Variants in EIF2B3 observed in about 807,000 individuals in gnomAD.
The protein encoded by EIF2B3 is translation initiation factor eIF2B subunit gamma.
Under a neutral mutation model 54.1 loss-of-function variants are expected in EIF2B3, and 20 were observed. That is an observed-to-expected ratio of 0.37 (90% CI 0.26 to 0.54). EIF2B3 has a LOEUF of 0.54. Among genes scored for constraint, EIF2B3 ranks in the 20% least tolerant of loss-of-function variants. The pLI, the probability that EIF2B3 is intolerant of heterozygous loss-of-function variation, is 0.86. For synonymous variants in EIF2B3, 153 were observed against 188.1 expected (o/e 0.81, Z 1.52); for missense variants, 448 against 547.8 (o/e 0.82, Z 1.82).
intron 3 of EIF2B3, among the ~76,000 whole-genome samples, chr1:44,942,490 C>T (rs1172950313): frequency 1.3e-3 from 169 of 128,452 alleles, no homozygotes; most frequent in African/African-American, 4.9e-3. Flanking sequence ...TGCAGCGGTG[C>T]GGTCACAGCT....
intron 3 of EIF2B3, among the ~76,000 whole-genome samples, chr1:44,974,406 C>T (rs995969852): frequency 6.8e-6 from 1 of 146,646 alleles, no homozygotes; most frequent in African/African-American, 2.5e-5. Flanking sequence ...CTGGGGAGGT[C>T]GAGGTTACAG....
intron 3 of EIF2B3, among the ~76,000 whole-genome samples, chr1:44,942,878 C>T (rs1644052954): frequency 6.6e-6 from 1 of 151,744 alleles, no homozygotes; most frequent in African/African-American, 2.4e-5. Flanking sequence ...TTTTTTGAGA[C>T]AGAGTCTCCC....
chr1:44,874,500 T>C (rs1655057052), intron 10 of EIF2B3, 178 bp downstream of exon 10: 2 of 667,472 alleles, frequency 3.0e-6, no homozygotes, highest in South Asian at 4.2e-5. Context: ...TTTAGAGGAA[T>C]AAATTTCCTA....
At chr1:44,943,286 A>G (rs1259315622) in intron 3 of EIF2B3, among the ~76,000 whole-genome samples, 3 of 152,032 alleles carry the variant, frequency 2.0e-5, no homozygotes, top group Non-Finnish European at 1.5e-5. Flanking sequence ...CAGCCTCCCA[A>G]AGTGCTGAGA....
chr1:44,918,949 T>C (rs1189318392), intron 5 of EIF2B3, among the ~76,000 whole-genome samples: 5 of 152,338 alleles, frequency 3.3e-5, no homozygotes, highest in Admixed American at 3.3e-4. Flanking sequence ...CACTCTTTTA[T>C]TCCCTCATGC....
intron 6 of EIF2B3, among the ~76,000 whole-genome samples, chr1:44,890,941 C>G (rs1215189126): frequency 6.6e-6 from 1 of 152,154 alleles, no homozygotes; most frequent in African/African-American, 2.4e-5. Flanking sequence ...TCAAGACTTT[C>G]AACTTCTCTT....
intron 8 of EIF2B3, among the ~76,000 whole-genome samples, chr1:44,877,066 CACAGGG>C (rs1212211934): frequency 1.3e-5 from 2 of 150,640 alleles, no homozygotes; most frequent in African/African-American, 4.9e-5. Context: ...TGCGGAAGGC[CACAGGG>C]TCCTCTGCCT....
intron 10 of EIF2B3, among the ~76,000 whole-genome samples, chr1:44,869,506 C>G (rs1240566353): frequency 1.4e-5 from 2 of 146,504 alleles, no homozygotes; most frequent in Non-Finnish European, 3.0e-5. Flanking sequence ...TATTTACTAA[C>G]TAATTTAGTA....
chr1:44,978,156 G>A (rs958842806), intron 3 of EIF2B3, among the ~76,000 whole-genome samples, 159 bp downstream of exon 3: 3 of 152,140 alleles, frequency 2.0e-5, no homozygotes, highest in Non-Finnish European at 2.9e-5. Flanking sequence ...GCTTGAACCC[G>A]GGAGGTGGAG....
chr1:44,891,759 C>A (rs1197812753), intron 6 of EIF2B3, among the ~76,000 whole-genome samples: 1 of 152,140 alleles, frequency 6.6e-6, no homozygotes, highest in Non-Finnish European at 1.5e-5. Context: ...GGCTTCTATG[C>A]TCTCACAGTA....
chr1:44,915,959 T>A (rs544215881), intron 5 of EIF2B3, among the ~76,000 whole-genome samples: 1 of 152,316 alleles, frequency 6.6e-6, no homozygotes, highest in South Asian at 2.1e-4. Flanking sequence ...ATGGTTTTTT[T>A]AGGTCTGTTA....
intron 11 of EIF2B3, among the ~76,000 whole-genome samples, chr1:44,853,042 T>C (rs1053157004): frequency 6.6e-6 from 1 of 152,156 alleles, no homozygotes; most frequent in South Asian, 2.1e-4. Flanking sequence ...CAAGATGTTA[T>C]GGACAAGTGA....
intron 2 of EIF2B3, 32 bp downstream of exon 2, chr1:44,980,989 A>G (rs996399508): frequency 6.2e-7 from 1 of 1,613,650 alleles, no homozygotes; most frequent in Admixed American, 1.7e-5. Context: ...TAAAAGTTTT[A>G]TGAGTTCACA....
intron 5 of EIF2B3, 149 bp downstream of exon 5, chr1:44,926,479 C>T (rs1643852129): frequency 3.1e-6 from 2 of 653,730 alleles, no homozygotes; most frequent in Non-Finnish European, 5.3e-6. Context: ...GAAAAGCCTT[C>T]ATCCTGTCTC....
intron 3 of EIF2B3, among the ~76,000 whole-genome samples, chr1:44,953,151 T>TAA (rs551625310): frequency 0.084 from 11,037 of 131,674 alleles, 1,527 homozygotes; most frequent in African/African-American, 0.29. Flanking sequence ...TCCATAAGTG[T>TAA]AAAAAAAAAA....
rs763994002 is a variant in EIF2B3 at position 44,874,772 on chromosome 1, T to C, written c.1108A>G (p.Ile370Val). 1.9e-6 allele frequency: 3 copies of C among 1,614,166 alleles called. No individual in the cohort carries two copies. The East Asian group carries it at 6.7e-5, about 36-fold the overall frequency. Reference protein sequence around the residue: ...PETQIGEKSSIKRSVIGSSCL... With the variant: ...PETQIGEKSSVKRSVIGSSCL... Reference sequence around the variant, plus strand: ...GATGAGCCAATGACTGAGCGCTTAATGGATGACTTCTCTCCAATCTGTGTC... The same window carrying C: ...GATGAGCCAATGACTGAGCGCTTAACGGATGACTTCTCTCCAATCTGTGTC... Residue 370 changes from isoleucine to valine, a missense_variant, in exon 10 of 12, where the codon ATT becomes GTT. Ile to Val is a conservative substitution (Grantham distance 29). Coordinates refer to ENST00000360403, the MANE Select transcript of EIF2B3 (RefSeq NM_020365.5).
chr1:44,922,593 A>G (rs1643771314), intron 5 of EIF2B3, among the ~76,000 whole-genome samples: 1 of 145,066 alleles, frequency 6.9e-6, no homozygotes, highest in South Asian at 2.2e-4. Context: ...TCTCAAGACA[A>G]AAAAAAAAAA....
intron 3 of EIF2B3, among the ~76,000 whole-genome samples, chr1:44,969,087 C>T (rs1028338264): frequency 1.3e-5 from 2 of 152,212 alleles, no homozygotes; most frequent in African/African-American, 2.4e-5. Flanking sequence ...AATGGGGACT[C>T]GTGTGCAGTG....
intron 3 of EIF2B3, among the ~76,000 whole-genome samples, chr1:44,969,543 C>T (rs1157105651): frequency 1.3e-5 from 2 of 151,974 alleles, no homozygotes; most frequent in Non-Finnish European, 2.9e-5. Context: ...AGTGGTATTT[C>T]TAAAAAGTGC....
Sources: gnomAD v4.1 joint callset for allele counts (sites outside exome capture counted in the v4.1 genomes callset) on GRCh38, gnomAD v4.1.1 for gene constraint, MANE v1.5 for transcripts, NCBI Gene and HGNC (gene_info 2026-07-23, HGNC 2026-07-21) for gene names.